SPRTN: variants seen among roughly 807,000 people sequenced by gnomAD.
SPRTN encodes the protein SprT-like N-terminal domain.
A neutral mutation model predicts 31.9 loss-of-function variants in SPRTN; 11 were observed. The ratio of observed to expected loss-of-function variants is 0.34; its 90% CI spans 0.22 to 0.57. The LOEUF (loss-of-function observed/expected upper bound fraction) is 0.57. SPRTN is among the 20% of genes least tolerant of loss of function. SPRTN has a pLI of 0.86. For missense variants in SPRTN, 482 were observed against 590.1 expected, an observed-to-expected ratio of 0.82 and a Z score of 1.90; for synonymous variants, 185 against 212.1, an observed-to-expected ratio of 0.87 and a Z score of 1.11.
rs1687280362 is a variant in SPRTN, at chr1:231,352,817, C to T, written c.926C>T (p.Ser309Leu). 1 of 1,613,576 alleles carries T rather than the reference C, an allele frequency of 6.2e-7. No individual in the cohort carries two copies. The highest frequency in any genetic ancestry group is 1.3e-5 in the African/African-American group (1 of 74,876). ...AAGGTGAAATTTGAACAGAATGGTTCAAGTAAAAATTCTCATCTGGTCTCC... is the reference window on the plus strand; with the variant it reads ...AAGGTGAAATTTGAACAGAATGGTTTAAGTAAAAATTCTCATCTGGTCTCC... Reference protein sequence around the residue: ...KIKVKFEQNGSSKNSHLVSPA... With the variant: ...KIKVKFEQNGLSKNSHLVSPA... The change falls in exon 5 of 5, where the codon TCA (serine) becomes TTA (leucine). Residue 309 changes from serine (S) to leucine (L), a missense_variant. By Grantham distance (145) the Ser-to-Leu change is moderately radical (BLOSUM62 -2). Around this residue, in one of 2 missense-constraint regions of SPRTN, gnomAD observed 325 missense variants for 350.2 expected, o/e 0.93. Coordinates refer to ENST00000295050, the MANE Select transcript of SPRTN (RefSeq NM_032018.7).
At chr1:231,345,993 T>C (rs187169214) in intron 2 of SPRTN, among the ~76,000 whole-genome samples, 1 of 152,122 alleles carries the variant, frequency 6.6e-6, no homozygotes, top group Non-Finnish European at 1.5e-5. Flanking sequence ...TTTTTATTTT[T>C]TTGTAGAGAC....
In SPRTN at chr1:231,351,361, A is replaced by G. The variant is rs770761117; in HGVS notation, c.508A>G (p.Asn170Asp). ...DEYRRHWWRC[N>D]GPCQHRPPYY... ...GTATCGGCGACACTGGTGGCGCTGC[A>G]ATGGGCCGTGCCAGCACAGGCCACC... The change falls in exon 4 of 5, where the codon AAT becomes GAT. Residue 170 changes from asparagine to aspartate, a missense_variant. Asn to Asp is a conservative substitution (Grantham distance 23, BLOSUM62 1). Coordinates refer to ENST00000295050, the MANE Select transcript of SPRTN (RefSeq NM_032018.7). 1 of 1,614,104 alleles carries G rather than the reference A, an allele frequency of 6.2e-7. No homozygotes were observed. The highest frequency in any genetic ancestry group is 1.1e-5 in the South Asian group (1 of 91,084).
At chr1:231,351,041 A>AT (rs1050152531) in intron 3 of SPRTN, among the ~76,000 whole-genome samples, 1 of 151,902 alleles carries the variant, frequency 6.6e-6, no homozygotes, top group Non-Finnish European at 1.5e-5. Context: ...TTTTTAAAAG[A>AT]TTTTTTTGTC....
chr1:231,339,468 T>G (rs1457856822), intron 1 of SPRTN: 8 of 604,842 alleles, frequency 1.3e-5, no homozygotes, highest in African/African-American at 1.1e-4. Context: ...AGGTCCCCGT[T>G]GTACACCAGG....
chr1:231,353,896 AT>A lies in SPRTN; in HGVS notation c.*539del. On this transcript the variant is annotated 3_prime_UTR_variant, in exon 5 of 5. Transcript: ENST00000295050. ...TTTGCAAAATCTTAACAGGAACTGT[AT>A]TTTCTATATTTTAAAGAATTTTATT... 1 of 944,262 alleles carries A rather than the reference AT, an allele frequency of 1.1e-6. No homozygotes were observed. The highest frequency in any genetic ancestry group is 1.3e-6 in the Non-Finnish European group (1 of 792,382). The allele number at this position is 944,262 out of a possible 1,614,324, so 58.5% of individuals were successfully genotyped here.
At chr1:231,340,047 T>A (rs1396593172) in intron 2 of SPRTN, 179 bp downstream of exon 2, 178 of 292,300 alleles carry the variant, frequency 6.1e-4, no homozygotes, top group South Asian at 2.1e-3. Context: ...TGCTTCATAG[T>A]AAAAAAAAAA....
At position 231,338,601 on chromosome 1, in the gene SPRTN, C is replaced by T; in HGVS notation, c.218C>T (p.Thr73Ile). The T allele has an allele frequency of 1.2e-6, 2 of 1,614,180 alleles. No individual in the cohort carries two copies. Among genetic ancestry groups the T allele is most frequent in the South Asian group, 1.1e-5 (1 of 91,086 alleles). ...GAGGTGAAGTGGAGCGTGCGAATGA[C>T]CCTGTGAGTTCCGAGCCCCGCTGGG... is the stretch of plus-strand genomic sequence containing the variant. ...AVEVKWSVRM[T>I]LCAGICSYEG... The change falls in exon 1 of 5, where the codon ACC becomes ATC. Residue 73 changes from threonine to isoleucine, a missense_variant. Coordinates refer to ENST00000295050, the MANE Select transcript of SPRTN (RefSeq NM_032018.7).
At chr1:231,340,333 C>G (rs1231803200) in intron 2 of SPRTN, among the ~76,000 whole-genome samples, 1 of 152,112 alleles carries the variant, frequency 6.6e-6, no homozygotes, top group African/African-American at 2.4e-5. Flanking sequence ...CGCCACTGCA[C>G]TCCAGCCTGG....
At position 231,352,784 on chromosome 1, in the gene SPRTN, C is replaced by G; in HGVS notation, c.893C>G (p.Ser298Cys). 1.2e-6 allele frequency: 2 copies of G among 1,613,828 alleles called. No homozygotes were observed. The highest frequency in any genetic ancestry group is 1.1e-5 in the South Asian group (1 of 91,036). ...TCAGCAAATGCTGTAAGACCTAATT[C>G]TAAAATCAAGGTGAAATTTGAACAG... ...NHSANAVRPN[S>C]KIKVKFEQNG... The change falls in exon 5 of 5, where the codon TCT becomes TGT. Residue 298 changes from serine (S) to cysteine (C), a missense_variant. Coordinates refer to ENST00000295050, the MANE Select transcript of SPRTN (RefSeq NM_032018.7).
Position 231,351,462 on chromosome 1 carries a change from A to T in SPRTN, c.609A>T (p.Lys203Asn), listed in dbSNP as rs374398670. 244 of 1,614,192 alleles carry T rather than the reference A, an allele frequency of 1.5e-4. No homozygotes were observed. Among genetic ancestry groups the T allele is most frequent in the Admixed American group, 3.7e-4 (22 of 60,012 alleles). Residue 203 changes from lysine (K) to asparagine (N), a missense_variant, in exon 4 of 5, where the codon AAA becomes AAT. Coordinates refer to ENST00000295050, the MANE Select transcript of SPRTN (RefSeq NM_032018.7). ...AHDYWWAEHQKTCGGTYIKIK... is the reference protein window; with the variant it reads ...AHDYWWAEHQNTCGGTYIKIK... Reference sequence around the variant, plus strand: ...ACTATTGGTGGGCTGAGCACCAGAAAACCTGTGGAGGCACTTACATAAAAA... The same window carrying T: ...ACTATTGGTGGGCTGAGCACCAGAATACCTGTGGAGGCACTTACATAAAAA...
intron 2 of SPRTN, among the ~76,000 whole-genome samples, chr1:231,342,696 G>C (rs973410358): frequency 4.0e-5 from 6 of 151,262 alleles, no homozygotes; most frequent in Non-Finnish European, 8.8e-5. Flanking sequence ...AAAGTGAATG[G>C]GATTACAGGT....
At position 231,353,235 on chromosome 1, in the gene SPRTN, C is replaced by T. The variant is rs754537278; in HGVS notation, c.1344C>T (p.Ser448=). The T allele has an allele frequency of 2.5e-6, 4 of 1,614,092 alleles. No homozygotes were observed. The highest frequency in any genetic ancestry group is 1.7e-6 in the Non-Finnish European group (2 of 1,179,968). ...CAGCTCAGAATTCCAGCAGTTCATCCAGTCAGAGCAAAATGGTTAATTGCC... is the reference window on the plus strand; with the variant it reads ...CAGCTCAGAATTCCAGCAGTTCATCTAGTCAGAGCAAAATGGTTAATTGCC... ...TTTAQNSSSS[S]SQSKMVNCPV... The change falls in exon 5 of 5, where the codon TCC becomes TCT. Residue 448 remains serine (S), a synonymous_variant. Coordinates refer to ENST00000295050, the MANE Select transcript of SPRTN (RefSeq NM_032018.7).
At chr1:231,352,135 G>A in intron 4 of SPRTN, 1 of 989,402 alleles carries the variant, frequency 1.0e-6, no homozygotes, top group Non-Finnish European at 1.2e-6. Context: ...CAGAGTTACT[G>A]AAGATGCTTC....
intron 1 of SPRTN, among the ~76,000 whole-genome samples, chr1:231,339,056 G>T (rs931339957): frequency 6.6e-5 from 10 of 152,098 alleles, no homozygotes; most frequent in Admixed American, 2.6e-4. Context: ...GTGTTGCATT[G>T]GGGATCTTCA....
intron 2 of SPRTN, among the ~76,000 whole-genome samples, chr1:231,341,039 A>T (rs1247401026): frequency 6.6e-6 from 1 of 152,106 alleles, no homozygotes. Flanking sequence ...TAGCTACTAA[A>T]TGTAAAGTGG....
chr1:231,343,120 A>C (rs1422473322), intron 2 of SPRTN, among the ~76,000 whole-genome samples: 2 of 152,140 alleles, frequency 1.3e-5, no homozygotes, highest in African/African-American at 4.8e-5. Context: ...TGCCTACAGC[A>C]TTCAGTACAG....
rs767754236 is a variant in SPRTN at position 231,353,134 on chromosome 1, A to G, written c.1243A>G (p.Thr415Ala). 1.2e-5 allele frequency: 19 copies of G among 1,612,340 alleles called. No homozygotes were observed. In the East Asian group the frequency reaches 4.0e-4, roughly 34 times the overall value. ...TAAACGACCTAGGCTAGAAGATAAG[A>G]CTGTTTTTGACAATTTTTTTATCAA... ...PNKRPRLEDKTVFDNFFIKKE... is the reference protein window; with the variant it reads ...PNKRPRLEDKAVFDNFFIKKE... Residue 415 changes from threonine to alanine, a missense_variant, in exon 5 of 5, where the codon ACT becomes GCT. By Grantham distance (58) the Thr-to-Ala change is moderately conservative. Coordinates refer to ENST00000295050, the MANE Select transcript of SPRTN (RefSeq NM_032018.7).
Position 231,352,931 on chromosome 1 carries a change from A to C in SPRTN, c.1040A>C (p.Asn347Thr), listed in dbSNP as rs1174811924. 1.2e-6 allele frequency: 2 copies of C among 1,614,046 alleles called. No individual in the cohort carries two copies. The highest frequency in any genetic ancestry group is 1.1e-5 in the South Asian group (1 of 91,088). Residue 347 changes from asparagine (N) to threonine (T), a missense_variant, in exon 5 of 5, where the codon AAT becomes ACT. Around this residue, in one of 2 missense-constraint regions of SPRTN, gnomAD observed 325 missense variants for 350.2 expected, o/e 0.93. Coordinates refer to ENST00000295050, the MANE Select transcript of SPRTN (RefSeq NM_032018.7). ...FANQKAFRGVNGSPRISVTVG... is the reference protein window; with the variant it reads ...FANQKAFRGVTGSPRISVTVG... ...AACCAAAAGGCTTTCAGAGGTGTGAATGGATCTCCAAGGATAAGTGTAACA... is the reference window on the plus strand; with the variant it reads ...AACCAAAAGGCTTTCAGAGGTGTGACTGGATCTCCAAGGATAAGTGTAACA...
chr1:231,347,980 C>A, intron 3 of SPRTN, 55 bp downstream of exon 3: 1 of 1,566,424 alleles, frequency 6.4e-7, no homozygotes, highest in Non-Finnish European at 8.6e-7. Flanking sequence ...TCAATAACTC[C>A]TGAGATTTAA....
Sources: allele counts gnomAD v4.1 joint callset (sites outside exome capture counted in the v4.1 genomes callset), GRCh38; gene constraint gnomAD v4.1.1; regional missense constraint gnomAD v4.1.1; transcripts MANE v1.5; gene names NCBI Gene and HGNC (gene_info 2026-07-23, HGNC 2026-07-21).